UGT2A1: variants seen among roughly 807,000 people sequenced by gnomAD.
The protein encoded by UGT2A1 is UDP-glucuronosyltransferase 2A1.
UGT2A1 carries 61 observed loss-of-function variants against 45.4 expected under a neutral mutation model. That is an observed-to-expected ratio of 1.34 (90% CI 1.09 to 1.66). The LOEUF (loss-of-function observed/expected upper bound fraction) is 1.66. Ranked by LOEUF, UGT2A1 falls within the 40% of genes most tolerant of loss-of-function variation. The pLI is 0.00. For synonymous variants in UGT2A1, 229 were observed against 196.2 expected, an observed-to-expected ratio of 1.17 and a Z score of -1.40; for missense variants, 649 against 574.3, an observed-to-expected ratio of 1.13 and a Z score of -1.33.
Position 69,606,457 on chromosome 4 carries a change from G to A in UGT2A1, c.848-7063C>T, listed in dbSNP as rs1455493425. The stretch of plus-strand genomic sequence containing the variant: ...AAGAGCTATCTATGACAGACCCACA[G>A]CCAATATCATACTGAATGGACAAAA... On this transcript the variant is annotated intron_variant, in intron 3 of 6. Coordinates refer to ENST00000286604, the MANE Select transcript of UGT2A1 (RefSeq NM_001252275.3). Among the ~76,000 whole-genome samples, 54 of 136,658 alleles carry A rather than the reference G, an allele frequency of 4.0e-4. 4 individuals carry two copies. Among genetic ancestry groups the A allele is most frequent in the Middle Eastern group, 3.8e-3 (1 of 260 alleles). 89.7% of individuals were successfully genotyped at this position (136,658 alleles called of 152,430 possible). A position where few individuals can be genotyped will look rare whatever the true frequency, so the allele number is the denominator to read the frequency against.
chr4:69,596,306 G>C, intron 4 of UGT2A1: 5 of 1,607,742 alleles, frequency 3.1e-6, no homozygotes, highest in Non-Finnish European at 4.3e-6. Context: ...TCTTCTGTAA[G>C]GTTTTTGACC....
intron 3 of UGT2A1, among the ~76,000 whole-genome samples, chr4:69,606,118 A>AG (rs1385293777): frequency 3.4e-5 from 3 of 87,092 alleles, no homozygotes; most frequent in Non-Finnish European, 8.4e-5. Context: ...GAGACACAAC[A>AG]AAAAAAGAGA....
rs1250759201 is a variant in UGT2A1, at chr4:69,629,436, T to C, written c.847+6255A>G. On this transcript the variant is annotated intron_variant, in intron 3 of 6. Coordinates refer to ENST00000286604, the MANE Select transcript of UGT2A1 (RefSeq NM_001252275.3). ...ACAGTGCCTAATAAGAGTGTTTTTG[T>C]ATATCTGAGGTCTTGGTCCACATTA... 2.0e-5 allele frequency among the ~76,000 whole-genome samples: 3 copies of C among 152,116 alleles called. No individual in the cohort carries two copies. In the East Asian group the frequency reaches 5.8e-4, roughly 29 times the overall value.
At position 69,606,814 on chromosome 4, in the gene UGT2A1, C is replaced by T. The variant is rs1184796397; in HGVS notation, c.848-7420G>A. ...GAGAGCCAAATCACGAGTGAGCTCCCATTCACAATTGCTTCAAAGAGAATA... is the reference window on the plus strand; with the variant it reads ...GAGAGCCAAATCACGAGTGAGCTCCTATTCACAATTGCTTCAAAGAGAATA... On this transcript the variant is annotated intron_variant, in intron 3 of 6. Transcript: ENST00000286604. 1.5e-5 allele frequency among the ~76,000 whole-genome samples: 2 copies of T among 136,502 alleles called. 1 individual carries two copies. Among genetic ancestry groups the T allele is most frequent in the Non-Finnish European group, 3.1e-5 (2 of 64,222 alleles). The allele number at this position is 136,502 out of a possible 152,430, so 89.6% of individuals were successfully genotyped here. A position where few individuals can be genotyped will look rare whatever the true frequency, so the allele number is the denominator to read the frequency against.
At chr4:69,631,201 CAA>C (rs1174962025) in intron 3 of UGT2A1, among the ~76,000 whole-genome samples, 2 of 152,060 alleles carry the variant, frequency 1.3e-5, no homozygotes, top group Non-Finnish European at 2.9e-5. Flanking sequence ...CCTAGAATCA[CAA>C]AGATACCTAT....
chr4:69,609,872 A>T (rs1356637889), intron 3 of UGT2A1, among the ~76,000 whole-genome samples: 1 of 152,176 alleles, frequency 6.6e-6, no homozygotes, highest in Non-Finnish European at 1.5e-5. Context: ...ACTGTCATAG[A>T]ACTTGGGGAA....
chr4:69,591,580 G>A (rs1287343188), intron 6 of UGT2A1, among the ~76,000 whole-genome samples: 3 of 152,156 alleles, frequency 2.0e-5, no homozygotes, highest in African/African-American at 7.2e-5. Flanking sequence ...GCTAATGCCA[G>A]AGAGGTATAC....
At position 69,594,703 on chromosome 4, in the gene UGT2A1, TGAGGATG is replaced by T. The variant is rs752482620; in HGVS notation, c.1085-14_1085-8del. ...GCTTTGGTTTTGGGATGTCCTAATT[TGAGGATG>T]GAGTGAGAAGTGGGTGTGTAATAAT... On this transcript the variant is annotated splice_region_variant and splice_polypyrimidine_tract_variant and intron_variant, in intron 5 of 6. Transcript: ENST00000286604. The T allele has an allele frequency of 6.8e-6, 11 of 1,611,306 alleles. No individual in the cohort carries two copies. The East Asian group carries it at 2.2e-4, about 33-fold the overall frequency.
At position 69,653,206 on chromosome 4, in the gene UGT2A1, A is replaced by T. The variant is rs1722619404; in HGVS notation, c.-73T>A. 1 of 152,172 alleles carries T rather than the reference A, an allele frequency of 6.6e-6. No individual in the cohort carries two copies. Among genetic ancestry groups the T allele is most frequent in the Admixed American group, 6.5e-5 (1 of 15,270 alleles). 9.4% of individuals were successfully genotyped at this position (152,172 alleles called of 1,614,324 possible). A position where few individuals can be genotyped will look rare whatever the true frequency, so the allele number is the denominator to read the frequency against. On this transcript the variant is annotated 5_prime_UTR_variant, in exon 1 of 7. Coordinates refer to ENST00000286604, the MANE Select transcript of UGT2A1 (RefSeq NM_001252275.3). ...TTCTTACCTGAAGTTTCCTGGAGGA[A>T]CTTTAACAGCACTCATTTGACATTA...
At chr4:69,616,386 T>G (rs2109927479) in intron 3 of UGT2A1, among the ~76,000 whole-genome samples, 1 of 152,066 alleles carries the variant, frequency 6.6e-6, no homozygotes, top group Non-Finnish European at 1.5e-5. Context: ...GAATTGGAAT[T>G]TTCCTAACAT....
chr4:69,619,257 C>T (rs556047401), intron 3 of UGT2A1, among the ~76,000 whole-genome samples: 83 of 151,538 alleles, frequency 5.5e-4, no homozygotes, highest in African/African-American at 1.9e-3. Context: ...AAAAATTAGC[C>T]AAGTGTGGTG....
chr4:69,632,496 A>T (rs1721441222), intron 3 of UGT2A1, among the ~76,000 whole-genome samples: 1 of 152,156 alleles, frequency 6.6e-6, no homozygotes, highest in Non-Finnish European at 1.5e-5. Flanking sequence ...CTCACGGAGG[A>T]TAATTTCTAT....
intron 3 of UGT2A1, among the ~76,000 whole-genome samples, chr4:69,621,513 G>A (rs968040752): frequency 5.3e-5 from 8 of 151,886 alleles, no homozygotes; most frequent in Non-Finnish European, 1.2e-4. Flanking sequence ...AGATGCTGGC[G>A]AGGTTGCAGA....
Position 69,589,570 on chromosome 4 carries a change from G to T in UGT2A1, c.1386C>A (p.Ile462=). The part of the protein sequence containing the change: ...VKPLDRAVFW[I]EFVMRHKGAK... The stretch of plus-strand genomic sequence containing the variant: ...CTCCTTTGTGGCGCATGACAAACTC[G>T]ATCCAGAAGACTGCTCGATCCAGGG... Residue 462 remains isoleucine (I), a synonymous_variant, in exon 7 of 7, where the codon ATC becomes ATA. Transcript: ENST00000286604. The T allele has an allele frequency of 6.2e-7, 1 of 1,614,010 alleles. No individual in the cohort carries two copies. Among genetic ancestry groups the T allele is most frequent in the Non-Finnish European group, 8.5e-7 (1 of 1,179,922 alleles).
intron 4 of UGT2A1, chr4:69,596,290 G>T (rs1326726392): frequency 6.2e-7 from 1 of 1,606,818 alleles, no homozygotes; most frequent in Non-Finnish European, 8.5e-7. Context: ...AATAAGATTG[G>T]CCTTTTCTTC....
chr4:69,638,894 C>G, intron 2 of UGT2A1: 1 of 1,563,544 alleles, frequency 6.4e-7, no homozygotes, highest in Non-Finnish European at 8.7e-7. Flanking sequence ...AAATTTTAGA[C>G]TTACCTAAAA....
At chr4:69,637,891 G>A (rs534871620) in intron 2 of UGT2A1, among the ~76,000 whole-genome samples, 1 of 150,890 alleles carries the variant, frequency 6.6e-6, no homozygotes, top group South Asian at 2.1e-4. Flanking sequence ...AGTAAAAAAG[G>A]AAGGAAGGCA....
chr4:69,640,804 C>A (rs115916305), intron 2 of UGT2A1, among the ~76,000 whole-genome samples: 1,826 of 151,690 alleles, frequency 0.012, 15 homozygotes, highest in Middle Eastern at 0.034. Flanking sequence ...CAAGAATAAG[C>A]CTCAATTTGA....
chr4:69,638,597 T>C (rs189836353), intron 2 of UGT2A1, among the ~76,000 whole-genome samples: 84 of 152,296 alleles, frequency 5.5e-4, no homozygotes, highest in African/African-American at 2.0e-3. Flanking sequence ...AGTAGTGTTA[T>C]AATGTATCCT....
Sources: allele counts gnomAD v4.1 joint callset (sites outside exome capture counted in the v4.1 genomes callset), GRCh38; gene constraint gnomAD v4.1.1; transcripts MANE v1.5; gene names NCBI Gene and HGNC (gene_info 2026-07-23, HGNC 2026-07-21).